GYS2: variants seen among roughly 807,000 people sequenced by gnomAD.
GYS2 encodes the protein glycogen [starch] synthase, liver.
A neutral mutation model predicts 85.6 loss-of-function variants in GYS2; 80 were observed. The observed-to-expected ratio is 0.93, with a 90% confidence interval of 0.78 to 1.13. The LOEUF (loss-of-function observed/expected upper bound fraction) is 1.13. Among genes scored for constraint, GYS2 ranks in the 50% most tolerant of loss-of-function variants. The pLI is 0.00. For missense variants in GYS2, 881 were observed against 854.9 expected, an observed-to-expected ratio of 1.03 and a Z score of -0.38; for synonymous variants, 328 against 300.7, an observed-to-expected ratio of 1.09 and a Z score of -0.94.
intron 4 of GYS2, 83 bp from the exon 5 acceptor site, chr12:21,569,092 T>C (rs1944356904): frequency 7.1e-7 from 1 of 1,410,836 alleles, no homozygotes; most frequent in Non-Finnish European, 1.0e-6. Flanking sequence ...TTTCACCAAG[T>C]GGCTTACCTC....
intron 1 of GYS2, among the ~76,000 whole-genome samples, chr12:21,599,068 T>TCA (rs1031206534): frequency 1.9e-3 from 50 of 26,102 alleles, no homozygotes; most frequent in Admixed American, 0.011. Context: ...TGCCTCTCTC[T>TCA]CGCTCTCTCT....
intron 5 of GYS2, among the ~76,000 whole-genome samples, chr12:21,566,785 C>A (rs1314705428): frequency 6.6e-6 from 1 of 152,056 alleles, no homozygotes; most frequent in African/African-American, 2.4e-5. Context: ...CAGCTAGTAA[C>A]GTATACTCAA....
chr12:21,588,842 T>C (rs892068064), intron 1 of GYS2, among the ~76,000 whole-genome samples: 5 of 152,356 alleles, frequency 3.3e-5, no homozygotes, highest in African/African-American at 1.2e-4. Context: ...AAATTATTTG[T>C]TGAGGAAAAA....
Position 21,565,390 on chromosome 12 carries a change from AATATATATATATATAT to A in GYS2, c.824-2061_824-2046del, listed in dbSNP as rs55790137. ...ACCATTATACTATTTCCATCCATGA[AATATATATATATATAT>A]ATATATATATATATATATATATATA... is the stretch of plus-strand genomic sequence containing the variant. On this transcript the variant is annotated intron_variant, in intron 5 of 15. Coordinates refer to ENST00000261195, the MANE Select transcript of GYS2 (RefSeq NM_021957.4). 8.9e-3 allele frequency among the ~76,000 whole-genome samples: 655 copies of A among 73,644 alleles called. 9 individuals are homozygous for A. Among genetic ancestry groups the A allele is most frequent in the African/African-American group, 0.032 (581 of 18,224 alleles). 48.3% of individuals were successfully genotyped at this position (73,644 alleles called of 152,430 possible). A position where few individuals can be genotyped will look rare whatever the true frequency, so the allele number is the denominator to read the frequency against.
chr12:21,568,659 T>C (rs534641975), intron 5 of GYS2, among the ~76,000 whole-genome samples: 3 of 152,336 alleles, frequency 2.0e-5, no homozygotes, highest in Admixed American at 6.5e-5. Flanking sequence ...CAAGCACAGA[T>C]TGAACACTTA....
At chr12:21,569,483 G>T (rs768315305) in intron 4 of GYS2, among the ~76,000 whole-genome samples, 3 of 152,102 alleles carry the variant, frequency 2.0e-5, no homozygotes, top group Admixed American at 6.6e-5. Flanking sequence ...AAAGACAAAC[G>T]CTTTTCCTTG....
intron 12 of GYS2, among the ~76,000 whole-genome samples, chr12:21,544,491 C>G (rs998305221): frequency 2.0e-5 from 3 of 152,200 alleles, no homozygotes; most frequent in African/African-American, 7.2e-5. Flanking sequence ...CACATTGCCT[C>G]AGTCACTCAT....
At chr12:21,540,760 C>T (rs1943963409) in intron 13 of GYS2, among the ~76,000 whole-genome samples, 187 bp from the exon 14 acceptor site, 1 of 152,180 alleles carries the variant, frequency 6.6e-6, no homozygotes, top group African/African-American at 2.4e-5. Flanking sequence ...ACAACCATCA[C>T]TGACACACAG....
At chr12:21,574,639 A>T (rs533231528) in intron 3 of GYS2, among the ~76,000 whole-genome samples, 1 of 152,140 alleles carries the variant, frequency 6.6e-6, no homozygotes, top group Non-Finnish European at 1.5e-5. Context: ...CAAAGTAGGC[A>T]CTCAAAAAAT....
downstream of GYS2, chr12:21,533,060 G>A (rs1315389118): frequency 6.6e-6 from 1 of 151,658 alleles, no homozygotes; most frequent in African/African-American, 2.4e-5. Context: ...ACATTATATG[G>A]CTTGTGTTTT....
intron 5 of GYS2, among the ~76,000 whole-genome samples, chr12:21,565,817 T>C (rs1378454034): frequency 2.6e-5 from 4 of 151,270 alleles, no homozygotes; most frequent in Non-Finnish European, 5.9e-5. Flanking sequence ...TAGAAGACAA[T>C]GTTACCCACC....
chr12:21,544,634 T>C (rs979925103), intron 12 of GYS2, among the ~76,000 whole-genome samples: 1 of 152,184 alleles, frequency 6.6e-6, no homozygotes, highest in Non-Finnish European at 1.5e-5. Context: ...TCTCAAAAGA[T>C]AGTGCATTGC....
At chr12:21,566,004 A>G (rs1282586982) in intron 5 of GYS2, among the ~76,000 whole-genome samples, 1 of 152,206 alleles carries the variant, frequency 6.6e-6, no homozygotes, top group Admixed American at 6.5e-5. Context: ...TATTTAAGGC[A>G]TATGTTGTAT....
chr12:21,593,718 C>T (rs1028006936), intron 1 of GYS2, among the ~76,000 whole-genome samples: 2 of 152,058 alleles, frequency 1.3e-5, no homozygotes, highest in South Asian at 2.1e-4. Flanking sequence ...TCCTTAAATT[C>T]TTTTAAAAAT....
chr12:21,571,034 C>T (rs549418697), intron 4 of GYS2, among the ~76,000 whole-genome samples: 57 of 152,304 alleles, frequency 3.7e-4, no homozygotes, highest in African/African-American at 1.3e-3. Flanking sequence ...TGTAGAGAAT[C>T]ACATGTCACA....
chr12:21,577,862 T>A (rs1424942159), intron 2 of GYS2, among the ~76,000 whole-genome samples: 3 of 152,190 alleles, frequency 2.0e-5, no homozygotes, highest in Non-Finnish European at 4.4e-5. Flanking sequence ...ACCTTTGAAA[T>A]GTTTGCTATC....
At chr12:21,535,909 A>T (rs960827791), downstream of GYS2, among the ~76,000 whole-genome samples, 4 of 152,246 alleles carry the variant, frequency 2.6e-5, no homozygotes, top group African/African-American at 9.6e-5. Flanking sequence ...TAAATCGGCT[A>T]AATTAATAAT....
rs762667150 is a variant in GYS2, at chr12:21,560,386, C to G, written c.1169G>C (p.Trp390Ser). 15 of 1,518,434 alleles carry G rather than the reference C, an allele frequency of 9.9e-6. No homozygotes were observed. The Admixed American group carries it at 1.3e-4, about 14-fold the overall frequency. The allele number at this position is 1,518,434 out of a possible 1,614,324, so 94.1% of individuals were successfully genotyped here. A position where few individuals can be genotyped will look rare whatever the true frequency, so the allele number is the denominator to read the frequency against. ...LKGQAVRKQL[W>S]DVAHSVKEKF... ...GAACATTCACAGGTTGTGAGATTAC[C>G]ACAGCTGTTTTCGCACTGCTTGTCC... is the stretch of plus-strand genomic sequence containing the variant. Residue 390 changes from tryptophan (W) to serine (S), a missense_variant and splice_region_variant, in exon 8 of 16, where the codon TGG becomes TCG. Physicochemically the swap from Trp to Ser is radical, Grantham distance 177 (BLOSUM62 -3). Transcript: ENST00000261195.
chr12:21,547,859 A>G (rs142912427), intron 11 of GYS2, among the ~76,000 whole-genome samples: 1 of 152,310 alleles, frequency 6.6e-6, no homozygotes, highest in East Asian at 1.9e-4. Context: ...GGGAAGGGCC[A>G]GAGAGCAAAT....
Sources: gnomAD v4.1 joint callset for allele counts (sites outside exome capture counted in the v4.1 genomes callset) on GRCh38, gnomAD v4.1.1 for gene constraint, MANE v1.5 for transcripts, NCBI Gene and HGNC (gene_info 2026-07-23, HGNC 2026-07-21) for gene names.